ZP3: variants seen among roughly 807,000 people sequenced by gnomAD.
ZP3 encodes the protein zona pellucida sperm-binding protein 3.
ZP3 carries 21 observed loss-of-function variants against 35.6 expected under a neutral mutation model. That is an observed-to-expected ratio of 0.59 (90% CI 0.42 to 0.85). The LOEUF (loss-of-function observed/expected upper bound fraction) is 0.85, where lower values mean the gene tolerates loss of function less well. ZP3 is among the 40% of genes least tolerant of loss of function. ZP3 has a pLI of 0.00. For missense variants in ZP3, 437 were observed against 536.5 expected (o/e 0.81, Z 1.83); for synonymous variants, 207 against 214.5 (o/e 0.96, Z 0.31).
At chr7:76,436,012 C>T (rs558976505) in intron 5 of ZP3, among the ~76,000 whole-genome samples, 144 of 146,264 alleles carry the variant, frequency 9.8e-4, no homozygotes, top group Admixed American at 1.5e-3. Context: ...GCATGAACCA[C>T]CACGCGCCCC....
In ZP3 at chr7:76,425,129, C is replaced by A; in HGVS notation, c.165C>A (p.Val55=). 1.2e-6 allele frequency: 2 copies of A among 1,613,920 alleles called. No individual in the cohort carries two copies. The highest frequency in any genetic ancestry group is 2.2e-5 in the South Asian group (2 of 91,058). The change falls in exon 1 of 8, where the codon GTC becomes GTA. Residue 55 remains valine (V), a synonymous_variant. Coordinates refer to ENST00000394857, the MANE Select transcript of ZP3 (RefSeq NM_001110354.2). ...ECQEATLMVM[V]SKDLFGTGKL... The stretch of plus-strand genomic sequence containing the variant: ...AGGAGGCCACTCTGATGGTCATGGT[C>A]AGCAAAGACCTTTTTGGCACCGGGA...
chr7:76,425,203 C>T lies in ZP3; in HGVS notation c.239C>T (p.Pro80Leu). Residue 80 changes from proline to leucine, a missense_variant, in exon 1 of 8, where the codon CCT becomes CTT. By Grantham distance (98) the Pro-to-Leu change is moderately conservative (BLOSUM62 -3). Coordinates refer to ENST00000394857, the MANE Select transcript of ZP3 (RefSeq NM_001110354.2). Reference protein sequence around the residue: ...DLTLGPEACEPLVSMDTEDVV... With the variant: ...DLTLGPEACELLVSMDTEDVV... ...ACCTTGGGCCCAGAGGCCTGTGAGC[C>T]TCTGGTCTCCATGGACACAGAAGAT... The T allele has an allele frequency of 6.2e-7, 1 of 1,613,940 alleles. No individual in the cohort carries two copies. The highest frequency in any genetic ancestry group is 8.5e-7 in the Non-Finnish European group (1 of 1,180,020).
chr7:76,415,913 T>C (rs1368479323), intron 1 of ZP3, among the ~76,000 whole-genome samples: 1 of 150,668 alleles, frequency 6.6e-6, no homozygotes, highest in African/African-American at 2.4e-5. Context: ...GCGGATCACT[T>C]GAGGTCAGGA....
chr7:76,435,557 T>C (rs1250509742), intron 5 of ZP3, among the ~76,000 whole-genome samples: 1 of 152,282 alleles, frequency 6.6e-6, no homozygotes, highest in Admixed American at 6.5e-5. Context: ...GTGCTGGCTC[T>C]ATACTAATCA....
chr7:76,425,336 G>C, intron 1 of ZP3, 60 bp downstream of exon 1: 1 of 1,521,416 alleles, frequency 6.6e-7, no homozygotes, highest in Non-Finnish European at 8.8e-7. Flanking sequence ...CCGGGTATGG[G>C]GACTGTGGCC....
chr7:76,428,165 A>AT (rs1805724091), intron 1 of ZP3, among the ~76,000 whole-genome samples: 5 of 72,338 alleles, frequency 6.9e-5, no homozygotes, highest in Middle Eastern at 7.1e-3. Flanking sequence ...GTCTCTATTT[A>AT]AAAAAAAAAA....
At chr7:76,417,061 G>GT (rs1338379559) in intron 1 of ZP3, among the ~76,000 whole-genome samples, 5 of 150,442 alleles carry the variant, frequency 3.3e-5, no homozygotes, top group African/African-American at 1.2e-4. Flanking sequence ...GTTTTTGTTT[G>GT]TTTGTTTGTT....
chr7:76,423,029 A>G (rs113250178), upstream of ZP3, among the ~76,000 whole-genome samples: 2,456 of 54,352 alleles, frequency 0.045, 91 homozygotes, highest in Middle Eastern at 0.053. Context: ...GAGAGAGAGA[A>G]AGAAAGAAAG....
rs1442316690 is a variant in ZP3, at chr7:76,432,868, T to G, written c.432-59T>G. The G allele has an allele frequency of 1.1e-5, 16 of 1,456,964 alleles. No individual in the cohort carries two copies. The East Asian group carries it at 3.7e-4, about 33-fold the overall frequency. The allele number at this position is 1,456,964 out of a possible 1,614,324, so 90.3% of individuals were successfully genotyped here. On this transcript the variant is annotated intron_variant, in intron 2 of 7. Transcript: ENST00000394857. ...GTAGCAGTGAGATACTCCCCATCAG[T>G]GGGGGCCCAGGTGGGTGTGACCTGA...
At chr7:76,417,215 G>A (rs143531645) in intron 1 of ZP3, among the ~76,000 whole-genome samples, 14 of 151,746 alleles carry the variant, frequency 9.2e-5, no homozygotes, top group Admixed American at 6.6e-5. Flanking sequence ...GCACCACCAT[G>A]CCCGGCTAAT....
At chr7:76,409,162 A>G (rs181869970) in intron 1 of ZP3, among the ~76,000 whole-genome samples, 15 of 152,252 alleles carry the variant, frequency 9.9e-5, no homozygotes. Flanking sequence ...CCCTTGGCAC[A>G]GGGTGGATAC....
At chr7:76,426,527 C>G (rs868486203) in intron 1 of ZP3, among the ~76,000 whole-genome samples, 4 of 152,084 alleles carry the variant, frequency 2.6e-5, no homozygotes, top group Admixed American at 1.3e-4. Flanking sequence ...TTTGAGGACT[C>G]GAGGCCCTTG....
In ZP3 at chr7:76,440,393, C is replaced by A. The variant is rs774191260; in HGVS notation, c.923+52C>A. 5.6e-6 allele frequency: 9 copies of A among 1,611,752 alleles called. No homozygotes were observed. The Admixed American group carries it at 6.7e-5, about 12-fold the overall frequency. On this transcript the variant is annotated intron_variant, in intron 6 of 7. Transcript: ENST00000394857. ...GGAGTAGAAACTGAATCGGCGACCCCTTGTCTATTTCCCCCAATATATTAT... is the reference window on the plus strand; with the variant it reads ...GGAGTAGAAACTGAATCGGCGACCCATTGTCTATTTCCCCCAATATATTAT...
chr7:76,417,552 G>A (rs902469849), intron 1 of ZP3, among the ~76,000 whole-genome samples: 3 of 151,898 alleles, frequency 2.0e-5, no homozygotes, highest in South Asian at 2.1e-4. Flanking sequence ...TCCATCACAC[G>A]CCAGGTATTT....
upstream of ZP3, among the ~76,000 whole-genome samples, chr7:76,424,204 C>T (rs1438045275): frequency 6.6e-6 from 1 of 152,194 alleles, no homozygotes; most frequent in African/African-American, 2.4e-5. Flanking sequence ...TGCCGGGCTG[C>T]GAGCTTCCTA....
Position 76,425,277 on chromosome 7 carries a change from G to A in ZP3, c.312+1G>A, listed in dbSNP as rs895676981. The A allele has an allele frequency of 1.2e-5, 19 of 1,598,760 alleles. No individual in the cohort carries two copies. Among genetic ancestry groups the A allele is most frequent in the Non-Finnish European group, 1.6e-5 (19 of 1,170,778 alleles). ...CCACGAGTGTGGCAACAGCATGCAG[G>A]TAAGAGAGGCTGGGGGCCCTGGCTT... On this transcript the variant is annotated splice_donor_variant, in intron 1 of 7. Coordinates refer to ENST00000394857, the MANE Select transcript of ZP3 (RefSeq NM_001110354.2). LOFTEE classifies it high-confidence loss of function.
chr7:76,398,785 G>C, intron 1 of ZP3: 4 of 1,612,748 alleles, frequency 2.5e-6, no homozygotes, highest in Non-Finnish European at 3.4e-6. Flanking sequence ...TGGGGGCTGC[G>C]TTGGCAAGAA....
intron 2 of ZP3, among the ~76,000 whole-genome samples, chr7:76,432,198 T>C (rs1805850234): frequency 1.3e-5 from 2 of 150,558 alleles, no homozygotes; most frequent in South Asian, 2.1e-4. Context: ...TTTCTTTTCT[T>C]TTTTTTTTGA....
chr7:76,402,692 G>T (rs1013428092), intron 1 of ZP3, among the ~76,000 whole-genome samples: 1 of 151,728 alleles, frequency 6.6e-6, no homozygotes, highest in African/African-American at 2.4e-5. Flanking sequence ...TTCTTGAGAC[G>T]GAATTTCGCT....
Sources: gnomAD v4.1 joint callset for allele counts (sites outside exome capture counted in the v4.1 genomes callset) on GRCh38, gnomAD v4.1.1 for gene constraint, MANE v1.5 for transcripts, NCBI Gene and HGNC (gene_info 2026-07-23, HGNC 2026-07-21) for gene names.